The following ZMYM2 variants were observed in gnomAD, a reference collection of about 807,000 sequenced individuals.
ZMYM2 encodes the protein zinc finger MYM-type containing 2, also known as zinc finger MYM-type protein 2.
A neutral mutation model predicts 162.8 loss-of-function variants in ZMYM2; 56 were observed. The ratio of observed to expected loss-of-function variants is 0.34; its 90% CI spans 0.28 to 0.43. The LOEUF (loss-of-function observed/expected upper bound fraction) is 0.43, where lower values mean the gene tolerates loss of function less well. Ranked by LOEUF, ZMYM2 falls within the 20% of genes least tolerant of loss-of-function variation. The pLI, the probability that ZMYM2 is intolerant of heterozygous loss-of-function variation, is 1.00. For missense variants in ZMYM2, 1,275 were observed against 1,621.8 expected (o/e 0.79, Z 3.67); for synonymous variants, 510 against 541.6 (o/e 0.94, Z 0.81).
At chr13:20,037,273 T>C (rs1440679156) in intron 12 of ZMYM2, among the ~76,000 whole-genome samples, 1 of 144,052 alleles carries the variant, frequency 6.9e-6, no homozygotes, top group Non-Finnish European at 1.5e-5. Flanking sequence ...TAGAGTGCAG[T>C]GGCACCATCT....
At position 20,019,623 on chromosome 13, in the gene ZMYM2, G is replaced by A. The variant is rs1290956746; in HGVS notation, c.1584+5G>A. 3.1e-6 allele frequency: 5 copies of A among 1,587,626 alleles called. No individual in the cohort carries two copies. Among genetic ancestry groups the A allele is most frequent in the Non-Finnish European group, 4.3e-6 (5 of 1,166,076 alleles). ...TCTTTCTTAATGCAGCCTGAGGTAA[G>A]CAGGAATGTAAATGGAGTTCAAGGC... On this transcript the variant is annotated splice_donor_5th_base_variant and intron_variant, in intron 7 of 24. Coordinates refer to ENST00000610343, the MANE Select transcript of ZMYM2 (RefSeq NM_197968.4).
intron 24 of ZMYM2, among the ~76,000 whole-genome samples, chr13:20,084,526 T>C (rs1958121628): frequency 6.6e-6 from 1 of 152,238 alleles, no homozygotes; most frequent in South Asian, 2.1e-4. Context: ...AGCAGGTGGC[T>C]GGCTGTAGTT....
At chr13:20,063,111 G>T in intron 18 of ZMYM2, 140 bp downstream of exon 18, 1 of 1,077,986 alleles carries the variant, frequency 9.3e-7, no homozygotes, top group East Asian at 2.9e-5. Flanking sequence ...CTCACCTTAA[G>T]AGTTAACTTC....
At chr13:19,943,576 G>A in the ZMYM2 span, among the ~76,000 whole-genome samples, 1 of 152,124 alleles carries the variant, frequency 6.6e-6, no homozygotes, top group African/African-American at 2.4e-5. Context: ...ACTTCAAATT[G>A]TCCTCTCGCT....
chr13:19,876,863 G>T, the ZMYM2 span, among the ~76,000 whole-genome samples: 1 of 152,230 alleles, frequency 6.6e-6, no homozygotes, highest in Non-Finnish European at 1.5e-5. Flanking sequence ...ACTGCTCAAG[G>T]TACCTTATGT....
At chr13:19,994,574 C>G (rs1363732526) in intron 3 of ZMYM2, among the ~76,000 whole-genome samples, 1 of 152,020 alleles carries the variant, frequency 6.6e-6, no homozygotes, top group African/African-American at 2.4e-5. Context: ...ACTGCAATCT[C>G]CGCCTCCTGT....
intron 6 of ZMYM2, among the ~76,000 whole-genome samples, chr13:20,014,410 G>A (rs142646334): frequency 1.3e-5 from 2 of 152,124 alleles, no homozygotes. Flanking sequence ...TTACAGGTCT[G>A]TTCACGTTTT....
rs5802035 is a variant in ZMYM2 at position 19,971,244 on chromosome 13, G to GTGTGTATATATATATATATATATA, written c.-11+11219_-11+11220insGTGTATATATATATATATATATAT. Among the ~76,000 whole-genome samples, 80 of 50,008 alleles carry GTGTGTATATATATATATATATATA rather than the reference G, an allele frequency of 1.6e-3. 4 individuals carry two copies. The highest frequency in any genetic ancestry group is 2.9e-3 in the East Asian group (1 of 350). The allele number at this position is 50,008 out of a possible 152,430, so 32.8% of individuals were successfully genotyped here. ...TTTATATATATGTGTGTGTGTGTGT[G>GTGTGTATATATATATATATATATA]TATATATATATATATATATTTTTTT... On this transcript the variant is annotated intron_variant, in intron 2 of 24. Coordinates refer to ENST00000610343, the MANE Select transcript of ZMYM2 (RefSeq NM_197968.4).
chr13:19,965,296 C>A (rs1955644463), intron 2 of ZMYM2: 18 of 1,289,516 alleles, frequency 1.4e-5, no homozygotes, highest in Non-Finnish European at 1.7e-5. Flanking sequence ...GAATTGACAA[C>A]TAAATTTTTG....
intron 2 of ZMYM2, among the ~76,000 whole-genome samples, chr13:19,991,999 T>C (rs1949666702): frequency 6.6e-6 from 1 of 152,164 alleles, no homozygotes; most frequent in African/African-American, 2.4e-5. Context: ...ATAATCTCAC[T>C]TGAAAATCCT....
At chr13:19,995,973 A>G (rs995269254) in intron 3 of ZMYM2, among the ~76,000 whole-genome samples, 2 of 152,102 alleles carry the variant, frequency 1.3e-5, no homozygotes, top group Non-Finnish European at 2.9e-5. Flanking sequence ...CCTGGGTGAC[A>G]AAGTGAGACC....
At chr13:20,006,170 C>G (rs1163672219) in intron 5 of ZMYM2, among the ~76,000 whole-genome samples, 6 of 151,522 alleles carry the variant, frequency 4.0e-5, no homozygotes, top group Non-Finnish European at 7.4e-5. Context: ...GGGATTGAGG[C>G]TGCAGTCAGC....
chr13:19,900,300 C>G, the ZMYM2 span, among the ~76,000 whole-genome samples: 5 of 151,864 alleles, frequency 3.3e-5, no homozygotes, highest in African/African-American at 1.2e-4. Context: ...GAGACTGTCT[C>G]AAAAACAAAA....
intron 16 of ZMYM2, 89 bp downstream of exon 16, chr13:20,059,651 GTTTGAA>G: frequency 1.4e-6 from 1 of 708,622 alleles, no homozygotes; most frequent in South Asian, 1.6e-5. Context: ...AACAACAAGA[GTTTGAA>G]CTCCATGCAT....
chr13:19,904,894 C>T, the ZMYM2 span, among the ~76,000 whole-genome samples: 1 of 152,182 alleles, frequency 6.6e-6, no homozygotes, highest in East Asian at 1.9e-4. Flanking sequence ...ATAATATCCA[C>T]CACAATTTGT....
Position 20,027,329 on chromosome 13 carries a change from T to G in ZMYM2, c.1851+11T>G, listed in dbSNP as rs556659734. 6.5e-7 allele frequency: 1 copy of G among 1,541,444 alleles called. No individual in the cohort carries two copies. The highest frequency in any genetic ancestry group is 1.4e-5 in the African/African-American group (1 of 73,208). On this transcript the variant is annotated intron_variant, in intron 9 of 24. Coordinates refer to ENST00000610343, the MANE Select transcript of ZMYM2 (RefSeq NM_197968.4). ...GTGGCTAAATTTCAGGTTTGTCGTT[T>G]ATTTTGCATAACCCATGCCCCCAAT...
chr13:20,075,220 A>G lies in ZMYM2; in HGVS notation c.3454-6796A>G, dbSNP rs572256659. Among the ~76,000 whole-genome samples the G allele has an allele frequency of 2.6e-5, 4 of 152,364 alleles. No individual in the cohort carries two copies. In the South Asian group the frequency reaches 8.3e-4, roughly 32 times the overall value. ...GATTCATTAGTTTTGCTCACAGCTGACAATAAAGATACAGTTGACAGGAAG... is the reference window on the plus strand; with the variant it reads ...GATTCATTAGTTTTGCTCACAGCTGGCAATAAAGATACAGTTGACAGGAAG... On this transcript the variant is annotated intron_variant, in intron 21 of 24. Coordinates refer to ENST00000610343, the MANE Select transcript of ZMYM2 (RefSeq NM_197968.4).
intron 2 of ZMYM2, among the ~76,000 whole-genome samples, chr13:19,970,461 C>A (rs1288950115): frequency 6.6e-6 from 1 of 151,958 alleles, no homozygotes; most frequent in African/African-American, 2.4e-5. Flanking sequence ...TAGCTTGTTT[C>A]ATCTTTTGAG....
chr13:19,989,679 C>T (rs1365724911), intron 2 of ZMYM2, among the ~76,000 whole-genome samples: 1 of 152,174 alleles, frequency 6.6e-6, no homozygotes, highest in Non-Finnish European at 1.5e-5. Flanking sequence ...CAGTTATACT[C>T]TTATTTTAAA....
Sources: gnomAD v4.1 joint callset for allele counts (sites outside exome capture counted in the v4.1 genomes callset) on GRCh38, gnomAD v4.1.1 for gene constraint, MANE v1.5 for transcripts, NCBI Gene and HGNC (gene_info 2026-07-23, HGNC 2026-07-21) for gene names.